Variants in FOXL2 observed in about 807,000 individuals in gnomAD.
FOXL2 encodes the protein forkhead box protein L2.
A neutral mutation model predicts 2.5 loss-of-function variants in FOXL2; 3 were observed. The ratio of observed to expected loss-of-function variants is 1.20; its 90% CI spans 0.55 to 3.11. FOXL2 has a LOEUF of 3.11. Ranked by LOEUF, FOXL2 falls within the 30% of genes most tolerant of loss-of-function variation. FOXL2 has a pLI of 0.03. For synonymous variants in FOXL2, 315 were observed against 269.4 expected, an observed-to-expected ratio of 1.17 and a Z score of -1.66; for missense variants, 512 against 570.0, an observed-to-expected ratio of 0.90 and a Z score of 1.04.
Position 138,944,885 on chromosome 3 carries a change from C to T in FOXL2, c.*707G>A, listed in dbSNP as rs1935914951. Reference sequence around the variant, plus strand: ...ACAAAACATTAGCCAGCCGCCGGGGCCCGGAGGTGCCCGAAGCGACGGGAC... The same window carrying T: ...ACAAAACATTAGCCAGCCGCCGGGGTCCGGAGGTGCCCGAAGCGACGGGAC... On this transcript the variant is annotated 3_prime_UTR_variant, in exon 1 of 1. Transcript: ENST00000648323. The T allele has an allele frequency of 1.3e-5, 3 of 232,708 alleles. No individual in the cohort carries two copies. Among genetic ancestry groups the T allele is most frequent in the South Asian group, 1.8e-4 (1 of 5,530 alleles). The allele number at this position is 232,708 out of a possible 1,614,324, so 14.4% of individuals were successfully genotyped here.
chr3:138,945,794 G>C lies in FOXL2; in HGVS notation c.929C>G (p.Pro310Arg). ...HAAAAPPPAPPHHGAAAPPPG... is the reference protein window; with the variant it reads ...HAAAAPPPAPRHHGAAAPPPG... ...CGGCGGCGCGGCGGCCCCGTGGTGC[G>C]GTGGGGCAGGCGGCGGTGCGGCGGC... is the stretch of plus-strand genomic sequence containing the variant. The change falls in exon 1 of 1, where the codon CCG (proline) becomes CGG (arginine). Residue 310 changes from proline to arginine, a missense_variant. Physicochemically the swap from Pro to Arg is moderately radical, Grantham distance 103. This residue lies in a region of FOXL2 where 287 missense variants were observed against 277.4 expected (regional missense o/e 1.03). Transcript: ENST00000648323. 2.6e-6 allele frequency: 3 copies of C among 1,175,372 alleles called. No homozygotes were observed. Among genetic ancestry groups the C allele is most frequent in the Non-Finnish European group, 3.2e-6 (3 of 950,278 alleles). 72.8% of individuals were successfully genotyped at this position (1,175,372 alleles called of 1,614,324 possible).
chr3:138,945,446 G>C lies in FOXL2; in HGVS notation c.*146C>G. On this transcript the variant is annotated 3_prime_UTR_variant, in exon 1 of 1. Transcript: ENST00000648323. ...GACAGGAGCTTAGGAAAGCGAAAAA[G>C]CACAGAGGGACCCTGGGCGCTGGCT... 1 of 1,397,084 alleles carries C rather than the reference G, an allele frequency of 7.2e-7. No individual in the cohort carries two copies. Among genetic ancestry groups the C allele is most frequent in the South Asian group, 1.3e-5 (1 of 74,904 alleles). 86.5% of individuals were successfully genotyped at this position (1,397,084 alleles called of 1,614,324 possible).
rs1457712357 is a variant in FOXL2, at chr3:138,944,398, G to C, written c.*1194C>G. The C allele has an allele frequency of 4.3e-6, 1 of 232,996 alleles. No individual in the cohort carries two copies. Among genetic ancestry groups the C allele is most frequent in the African/African-American group, 2.2e-5 (1 of 45,304 alleles). The allele number at this position is 232,996 out of a possible 1,614,324, so 14.4% of individuals were successfully genotyped here. ...GGGCCGGGCCGGCTCCGGGCCACAA[G>C]ACCGCCTAGGTCGGCCGCTGCCGGG... On this transcript the variant is annotated 3_prime_UTR_variant, in exon 1 of 1. Transcript: ENST00000648323.
rs1366652064 is a variant in FOXL2, at chr3:138,946,375, C to A, written c.348G>T (p.Pro116=). The change falls in exon 1 of 1, where the codon CCG becomes CCT. Residue 116 remains proline (P), a synonymous_variant. Transcript: ENST00000648323. The part of the protein sequence containing the change: ...LSLNECFIKV[P]REGGGERKGN... ...CCTTGCGCTCGCCGCCGCCCTCGCG[C>A]GGCACCTTGATGAAGCACTCGTTGA... 24 of 1,614,086 alleles carry A rather than the reference C, an allele frequency of 1.5e-5. No individual in the cohort carries two copies. Among genetic ancestry groups the A allele is most frequent in the Non-Finnish European group, 1.9e-5 (23 of 1,179,980 alleles).
At position 138,946,645 on chromosome 3, in the gene FOXL2, C is replaced by T; in HGVS notation, c.78G>A (p.Glu26=). Reference sequence around the variant, plus strand: ...CTGGGCTCGGCGGCGGCCCTTCTGGCTCCTTGACTGTGCGACCGGTCTCTG... The same window carrying T: ...CTGGGCTCGGCGGCGGCCCTTCTGGTTCCTTGACTGTGCGACCGGTCTCTG... ...LAPETGRTVK[E]PEGPPPSPGK... is the part of the protein sequence containing the mutation. Residue 26 remains glutamate, a synonymous_variant, in exon 1 of 1, where the codon GAG becomes GAA. Transcript: ENST00000648323. 1.9e-6 allele frequency: 3 copies of T among 1,590,560 alleles called. No individual in the cohort carries two copies. The highest frequency in any genetic ancestry group is 2.6e-6 in the Non-Finnish European group (3 of 1,171,920).
rs2107744053 is a variant in FOXL2 at position 138,946,160 on chromosome 3, T to A, written c.563A>T (p.Tyr188Phe). The change falls in exon 1 of 1, where the codon TAC becomes TTC. Residue 188 changes from tyrosine to phenylalanine, a missense_variant. Tyr to Phe is a conservative substitution (Grantham distance 22). Coordinates refer to ENST00000648323, the MANE Select transcript of FOXL2 (RefSeq NM_023067.4). ...VAGAGADGYG[Y>F]LAPPKYLQSG... ...CTGCAGGTACTTGGGGGGCGCCAGG[T>A]AGCCGTAGCCGTCGGCCCCGGCGCC... 1.3e-6 allele frequency: 2 copies of A among 1,483,514 alleles called. No homozygotes were observed. Among genetic ancestry groups the A allele is most frequent in the African/African-American group, 2.9e-5 (2 of 68,082 alleles). 91.9% of individuals were successfully genotyped at this position (1,483,514 alleles called of 1,614,324 possible).
rs750300712 is a variant in FOXL2 at position 138,946,089 on chromosome 3, G to C, written c.634C>G (p.Pro212Ala). ...NSWPLPQPPS[P>A]MPYASCQMAA... The stretch of plus-strand genomic sequence containing the variant: ...ATCTGGCAGGAGGCATAGGGCATGG[G>C]TGAGGGAGGCTGCGGTAGCGGCCAC... Residue 212 changes from proline (P) to alanine (A), a missense_variant, in exon 1 of 1, where the codon CCC becomes GCC. Around this residue, in one of 5 missense-constraint regions of FOXL2, gnomAD observed 287 missense variants for 277.4 expected, o/e 1.03. Coordinates refer to ENST00000648323, the MANE Select transcript of FOXL2 (RefSeq NM_023067.4). 609 of 1,473,490 alleles carry C rather than the reference G, an allele frequency of 4.1e-4. 1 individual carries two copies. The highest frequency in any genetic ancestry group is 5.1e-4 in the Non-Finnish European group (572 of 1,120,796). The allele number at this position is 1,473,490 out of a possible 1,614,324, so 91.3% of individuals were successfully genotyped here.
In FOXL2 at chr3:138,946,928, A is replaced by C; in HGVS notation, c.-206T>G. 3 of 751,332 alleles carry C rather than the reference A, an allele frequency of 4.0e-6. No homozygotes were observed. The South Asian group carries it at 5.8e-5, about 15-fold the overall frequency. 46.5% of individuals were successfully genotyped at this position (751,332 alleles called of 1,614,324 possible). A position where few individuals can be genotyped will look rare whatever the true frequency, so the allele number is the denominator to read the frequency against. On this transcript the variant is annotated 5_prime_UTR_variant, in exon 1 of 1. Coordinates refer to ENST00000648323, the MANE Select transcript of FOXL2 (RefSeq NM_023067.4). Reference sequence around the variant, plus strand: ...CCTAGGGAGCGGCCGGCGGGAGTGGAGCTCAGCCTCTGGCCATGGGGAGTC... The same window carrying C: ...CCTAGGGAGCGGCCGGCGGGAGTGGCGCTCAGCCTCTGGCCATGGGGAGTC...
chr3:138,945,237 CCG>C lies in FOXL2; in HGVS notation c.*353_*354del. ...GCCAAGAGGTCTGCGCTGCCGACGC[CCG>C]GTCGCACCTCCGCCCCGGGCCCTTT... On this transcript the variant is annotated 3_prime_UTR_variant, in exon 1 of 1. Coordinates refer to ENST00000648323, the MANE Select transcript of FOXL2 (RefSeq NM_023067.4). 4.1e-6 allele frequency: 1 copy of C among 243,824 alleles called. No homozygotes were observed. Among genetic ancestry groups the C allele is most frequent in the Admixed American group, 5.4e-5 (1 of 18,462 alleles). 15.1% of individuals were successfully genotyped at this position (243,824 alleles called of 1,614,324 possible).
Position 138,946,043 on chromosome 3 carries a change from G to T in FOXL2, c.680C>A (p.Ala227Glu). The T allele has an allele frequency of 7.2e-7, 1 of 1,397,106 alleles. No homozygotes were observed. Among genetic ancestry groups the T allele is most frequent in the Non-Finnish European group, 9.2e-7 (1 of 1,087,104 alleles). 86.5% of individuals were successfully genotyped at this position (1,397,106 alleles called of 1,614,324 possible). A position where few individuals can be genotyped will look rare whatever the true frequency, so the allele number is the denominator to read the frequency against. ...GCCCGCGGCTGCAGCCGCAGCTGCT[G>T]CAGCCGCTGCGGCTGCCGCCATCTG... ...SCQMAAAAAA[A>E]AAAAAAAGPG... The change falls in exon 1 of 1, where the codon GCA (alanine) becomes GAA (glutamate). Residue 227 changes from alanine (A) to glutamate (E), a missense_variant. By Grantham distance (107) the Ala-to-Glu change is moderately radical. This residue lies in a region of FOXL2 where 287 missense variants were observed against 277.4 expected (regional missense o/e 1.03). Coordinates refer to ENST00000648323, the MANE Select transcript of FOXL2 (RefSeq NM_023067.4).
Position 138,945,994 on chromosome 3 carries a change from A to T in FOXL2, c.729T>A (p.Ala243=). 4 of 1,402,596 alleles carry T rather than the reference A, an allele frequency of 2.9e-6. No individual in the cohort carries two copies. The highest frequency in any genetic ancestry group is 3.7e-6 in the Non-Finnish European group (4 of 1,091,436). The allele number at this position is 1,402,596 out of a possible 1,614,324, so 86.9% of individuals were successfully genotyped here. ...CCGGGCCCGCCAGCCCCTTGACCAC[A>T]GCGGCCGCGCCAGGGCTACCGGGGC... is the stretch of plus-strand genomic sequence containing the variant. ...AAGPGSPGAA[A]VVKGLAGPAA... Residue 243 remains alanine (A), a synonymous_variant, in exon 1 of 1, where the codon GCT becomes GCA. Transcript: ENST00000648323.
At position 138,947,114 on chromosome 3, in the gene FOXL2, G is replaced by A; in HGVS notation, c.-392C>T. ...GGAGCTGCCTCCTGGAGTCCCTAGTGCGCCAGGAGCCTCGCTCTGTTCTGA... is the reference window on the plus strand; with the variant it reads ...GGAGCTGCCTCCTGGAGTCCCTAGTACGCCAGGAGCCTCGCTCTGTTCTGA... On this transcript the variant is annotated 5_prime_UTR_variant, in exon 1 of 1. Transcript: ENST00000648323. This position sits in a 1 kb window ranked among gnomAD's most constrained non-coding sequence, Gnocchi z 5.2. 1 of 499,446 alleles carries A rather than the reference G, an allele frequency of 2.0e-6. No individual in the cohort carries two copies. The highest frequency in any genetic ancestry group is 3.5e-6 in the Non-Finnish European group (1 of 286,722). 30.9% of individuals were successfully genotyped at this position (499,446 alleles called of 1,614,324 possible). A position where few individuals can be genotyped will look rare whatever the true frequency, so the allele number is the denominator to read the frequency against.
Position 138,946,375 on chromosome 3 carries a change from C to T in FOXL2, c.348G>A (p.Pro116=). The stretch of plus-strand genomic sequence containing the variant: ...CCTTGCGCTCGCCGCCGCCCTCGCG[C>T]GGCACCTTGATGAAGCACTCGTTGA... ...LSLNECFIKV[P]REGGGERKGN... is the part of the protein sequence containing the mutation. Residue 116 remains proline (P), a synonymous_variant, in exon 1 of 1, where the codon CCG becomes CCA. Transcript: ENST00000648323. The T allele has an allele frequency of 6.2e-7, 1 of 1,614,086 alleles. No individual in the cohort carries two copies. The highest frequency in any genetic ancestry group is 8.5e-7 in the Non-Finnish European group (1 of 1,179,980).
At position 138,945,988 on chromosome 3, in the gene FOXL2, G is replaced by T; in HGVS notation, c.735C>A (p.Val245=). 3 of 1,407,726 alleles carry T rather than the reference G, an allele frequency of 2.1e-6. No homozygotes were observed. The highest frequency in any genetic ancestry group is 1.6e-5 in the South Asian group (1 of 62,062). The allele number at this position is 1,407,726 out of a possible 1,614,324, so 87.2% of individuals were successfully genotyped here. A position where few individuals can be genotyped will look rare whatever the true frequency, so the allele number is the denominator to read the frequency against. The stretch of plus-strand genomic sequence containing the variant: ...AGGCGGCCGGGCCCGCCAGCCCCTT[G>T]ACCACAGCGGCCGCGCCAGGGCTAC... ...GPGSPGAAAV[V]KGLAGPAASY... The change falls in exon 1 of 1, where the codon GTC becomes GTA. Residue 245 remains valine (V), a synonymous_variant. Coordinates refer to ENST00000648323, the MANE Select transcript of FOXL2 (RefSeq NM_023067.4).
chr3:138,945,918 C>T lies in FOXL2; in HGVS notation c.805G>A (p.Gly269Ser). 3 of 1,335,628 alleles carry T rather than the reference C, an allele frequency of 2.2e-6. No individual in the cohort carries two copies. The highest frequency in any genetic ancestry group is 2.9e-6 in the Non-Finnish European group (3 of 1,052,182). 82.7% of individuals were successfully genotyped at this position (1,335,628 alleles called of 1,614,324 possible). The change falls in exon 1 of 1, where the codon GGC (glycine) becomes AGC (serine). Residue 269 changes from glycine (G) to serine (S), a missense_variant. Gly to Ser is a moderately conservative substitution (Grantham distance 56, BLOSUM62 0). Around this residue, in one of 5 missense-constraint regions of FOXL2, gnomAD observed 287 missense variants for 277.4 expected, o/e 1.03. Coordinates refer to ENST00000648323, the MANE Select transcript of FOXL2 (RefSeq NM_023067.4). ...TRVQSMALPP[G>S]VVNSYNGLGG... Reference sequence around the variant, plus strand: ...AGGCCATTGTACGAGTTCACTACGCCGGGGGGCAGCGCCATGCTCTGCACG... The same window carrying T: ...AGGCCATTGTACGAGTTCACTACGCTGGGGGGCAGCGCCATGCTCTGCACG...
Position 138,946,876 on chromosome 3 carries a change from G to T in FOXL2, c.-154C>A. 1.7e-6 allele frequency: 2 copies of T among 1,145,092 alleles called. No individual in the cohort carries two copies. Among genetic ancestry groups the T allele is most frequent in the Non-Finnish European group, 2.5e-6 (2 of 812,980 alleles). 70.9% of individuals were successfully genotyped at this position (1,145,092 alleles called of 1,614,324 possible). On this transcript the variant is annotated 5_prime_UTR_variant, in exon 1 of 1. Coordinates refer to ENST00000648323, the MANE Select transcript of FOXL2 (RefSeq NM_023067.4). ...CGCGCTTGCTTGCTGGAGGCCTGTC[G>T]CTGCTCTCCCCTCTCCTTCCCCTTC...
At position 138,947,051 on chromosome 3, in the gene FOXL2, GCC is replaced by G; in HGVS notation, c.-331_-330del. ...TTTTCTGCGCTCTTCCCCTCCCCCC[GCC>G]CCCCGGTTTCCCGAAGCACGACCCG... On this transcript the variant is annotated 5_prime_UTR_variant, in exon 1 of 1. Transcript: ENST00000648323. The surrounding 1 kb of genome is among the most constrained non-coding windows in gnomAD (Gnocchi z 5.2). 2.7e-6 allele frequency: 1 copy of G among 365,746 alleles called. No homozygotes were observed. Among genetic ancestry groups the G allele is most frequent in the Non-Finnish European group, 4.6e-6 (1 of 218,914 alleles). 22.7% of individuals were successfully genotyped at this position (365,746 alleles called of 1,614,324 possible). A position where few individuals can be genotyped will look rare whatever the true frequency, so the allele number is the denominator to read the frequency against.
rs928445396 is a variant in FOXL2, at chr3:138,946,189, C to T, written c.534G>A (p.Val178=). 8.7e-6 allele frequency: 13 copies of T among 1,490,276 alleles called. No individual in the cohort carries two copies. The African/African-American group carries it at 1.3e-4, about 15-fold the overall frequency. 92.3% of individuals were successfully genotyped at this position (1,490,276 alleles called of 1,614,324 possible). ...GAGGAAGGCG[V]AGAGADGYGY... ...CGTAGCCGTCGGCCCCGGCGCCCGCCACGCCGCACCCGCCTGCGGCGCCTC... is the reference window on the plus strand; with the variant it reads ...CGTAGCCGTCGGCCCCGGCGCCCGCTACGCCGCACCCGCCTGCGGCGCCTC... Residue 178 remains valine, a synonymous_variant, in exon 1 of 1, where the codon GTG becomes GTA. Coordinates refer to ENST00000648323, the MANE Select transcript of FOXL2 (RefSeq NM_023067.4).
chr3:138,946,710 A>G lies in FOXL2; in HGVS notation c.13T>C (p.Tyr5His), dbSNP rs1457137582. 6.3e-7 allele frequency: 1 copy of G among 1,581,358 alleles called. No individual in the cohort carries two copies. The highest frequency in any genetic ancestry group is 8.6e-7 in the Non-Finnish European group (1 of 1,164,464). MMAS[Y>H]PEPEDAAGAL... Reference sequence around the variant, plus strand: ...CCCGCCGCGTCCTCGGGCTCGGGGTAGCTGGCCATCATGACAAAGCCGGCG... The same window carrying G: ...CCCGCCGCGTCCTCGGGCTCGGGGTGGCTGGCCATCATGACAAAGCCGGCG... The change falls in exon 1 of 1, where the codon TAC (tyrosine) becomes CAC (histidine). Residue 5 changes from tyrosine (Y) to histidine (H), a missense_variant. Physicochemically the swap from Tyr to His is moderately conservative, Grantham distance 83. This residue lies in a region of FOXL2 where 92 missense variants were observed against 77.8 expected (regional missense o/e 1.18). Coordinates refer to ENST00000648323, the MANE Select transcript of FOXL2 (RefSeq NM_023067.4).
Sources: allele counts gnomAD v4.1 joint callset, GRCh38; gene constraint gnomAD v4.1.1; regional missense constraint gnomAD v4.1.1; non-coding constraint Gnocchi (gnomAD v3.1); transcripts MANE v1.5; gene names NCBI Gene and HGNC (gene_info 2026-07-23, HGNC 2026-07-21).